The following RBBP4 variants were observed in gnomAD, a reference collection of about 807,000 sequenced individuals.
RBBP4 encodes RB binding protein 4, chromatin remodeling factor.
In RBBP4, 3 loss-of-function variants were observed where a neutral mutation model predicts 57.2. The observed-to-expected ratio is 0.05, with a 90% confidence interval of 0.02 to 0.14. The LOEUF (loss-of-function observed/expected upper bound fraction) is 0.14, where lower values mean the gene tolerates loss of function less well. RBBP4 is among the 10% of genes least tolerant of loss of function. The pLI, the probability that RBBP4 is intolerant of heterozygous loss-of-function variation, is 1.00. For missense variants in RBBP4, 107 were observed against 520.6 expected (o/e 0.21, Z 7.73); for synonymous variants, 151 against 171.5 (o/e 0.88, Z 0.93).
intron 8 of RBBP4, among the ~76,000 whole-genome samples, chr1:32,671,120 G>T (rs1272883755): frequency 6.6e-6 from 1 of 152,066 alleles, no homozygotes; most frequent in Admixed American, 6.6e-5. Flanking sequence ...TTTTTTGTCT[G>T]ACTCTTTAAT....
chr1:32,660,557 C>T (rs113320550), intron 3 of RBBP4, among the ~76,000 whole-genome samples: 10,899 of 150,884 alleles, frequency 0.072, 1,305 homozygotes, highest in African/African-American at 0.25. Flanking sequence ...GCTGGGATTA[C>T]AGGCGCCCAC....
At position 32,680,122 on chromosome 1, in the gene RBBP4, A is replaced by C; in HGVS notation, c.*417A>C. 1 of 1,067,892 alleles carries C rather than the reference A, an allele frequency of 9.4e-7. No homozygotes were observed. Among genetic ancestry groups the C allele is most frequent in the Non-Finnish European group, 1.1e-6 (1 of 884,248 alleles). 66.2% of individuals were successfully genotyped at this position (1,067,892 alleles called of 1,614,324 possible). A position where few individuals can be genotyped will look rare whatever the true frequency, so the allele number is the denominator to read the frequency against. Reference sequence around the variant, plus strand: ...GAAAGATGTCACTTTTATTCAGGAAATAGGGGGAGATTCAAGTCATATAGA... The same window carrying C: ...GAAAGATGTCACTTTTATTCAGGAACTAGGGGGAGATTCAAGTCATATAGA... On this transcript the variant is annotated 3_prime_UTR_variant, in exon 12 of 12. Transcript: ENST00000373493.
chr1:32,678,258 G>C (rs1346045004), intron 11 of RBBP4, among the ~76,000 whole-genome samples: 1 of 152,088 alleles, frequency 6.6e-6, no homozygotes, highest in Non-Finnish European at 1.5e-5. Context: ...TTTAGACGAA[G>C]TCTTGCCCCC....
rs780299831 is a variant in RBBP4, at chr1:32,681,535, C to G, written c.*1830C>G. ...ATACTCCCAGATGTGTCCATACATTCATCCTTCACTCAGTGCATATGTGAG... is the reference window on the plus strand; with the variant it reads ...ATACTCCCAGATGTGTCCATACATTGATCCTTCACTCAGTGCATATGTGAG... On this transcript the variant is annotated 3_prime_UTR_variant, in exon 12 of 12. Transcript: ENST00000373493. The G allele has an allele frequency of 2.3e-6, 1 of 432,880 alleles. No individual in the cohort carries two copies. Among genetic ancestry groups the G allele is most frequent in the Non-Finnish European group, 4.1e-6 (1 of 242,982 alleles). The allele number at this position is 432,880 out of a possible 1,614,324, so 26.8% of individuals were successfully genotyped here.
intron 11 of RBBP4, among the ~76,000 whole-genome samples, chr1:32,677,674 C>A (rs970799578): frequency 2.0e-5 from 3 of 147,098 alleles, no homozygotes; most frequent in Admixed American, 7.0e-5. Context: ...ACAGTCTTCT[C>A]CAAAGCTAAC....
chr1:32,667,646 A>T (rs893743471), intron 3 of RBBP4, among the ~76,000 whole-genome samples: 2 of 152,044 alleles, frequency 1.3e-5, no homozygotes, highest in African/African-American at 4.8e-5. Flanking sequence ...GTAGGGCTGG[A>T]CCCTACATCA....
In RBBP4 at chr1:32,681,791, G is replaced by A. The variant is rs1189143050; in HGVS notation, c.*2086G>A. 5.6e-6 allele frequency: 9 copies of A among 1,613,912 alleles called. No homozygotes were observed. Among genetic ancestry groups the A allele is most frequent in the African/African-American group, 2.7e-5 (2 of 75,068 alleles). On this transcript the variant is annotated 3_prime_UTR_variant, in exon 12 of 12. Transcript: ENST00000373493. ...GAAGAGTACATCCAAAGGGTACTTA[G>A]TGATCCTTTGCTAAGAAGTTTTTTG...
rs375953366 is a variant in RBBP4, at chr1:32,669,593, T to G, written c.966+30T>G. ...GAGAAACTAATGCTACTATTTTGTT[T>G]GTTTTAAGAAAAACCTGCTGGGCGC... On this transcript the variant is annotated intron_variant, in intron 8 of 11. Coordinates refer to ENST00000373493, the MANE Select transcript of RBBP4 (RefSeq NM_005610.3). This position sits in a 1 kb window ranked among gnomAD's most constrained non-coding sequence, Gnocchi z 4.9. 150 of 1,581,462 alleles carry G rather than the reference T, an allele frequency of 9.5e-5. No homozygotes were observed. In the African/African-American group the frequency reaches 1.9e-3, roughly 20 times the overall value.
At chr1:32,652,167 A>G in intron 2 of RBBP4, 106 bp downstream of exon 2, 1 of 1,331,066 alleles carries the variant, frequency 7.5e-7, no homozygotes, top group Non-Finnish European at 1.0e-6. Flanking sequence ...GCATGTGATC[A>G]AAACCTCTTG....
intron 3 of RBBP4, among the ~76,000 whole-genome samples, chr1:32,663,348 A>C (rs540887956): frequency 6.6e-6 from 1 of 152,340 alleles, no homozygotes; most frequent in East Asian, 1.9e-4. Flanking sequence ...AAAATAGGAA[A>C]GCAAGTTGAT....
At position 32,677,703 on chromosome 1, in the gene RBBP4, A is replaced by G. The variant is rs532777610; in HGVS notation, c.1213-1937A>G. ...AGCTAACTTCAGATAGTGTCAGAAT[A>G]GGATTGAGTTGTACACCCAGTTGGT... On this transcript the variant is annotated intron_variant, in intron 11 of 11. Transcript: ENST00000373493. Among the ~76,000 whole-genome samples the G allele has an allele frequency of 1.5e-3, 14 of 9,210 alleles. No homozygotes were observed. The South Asian group carries it at 0.22, about 144-fold the overall frequency. 6.0% of individuals were successfully genotyped at this position (9,210 alleles called of 152,430 possible).
chr1:32,652,468 A>G (rs1283307267), intron 2 of RBBP4: 1 of 172,336 alleles, frequency 5.8e-6, no homozygotes, highest in East Asian at 1.6e-4. Context: ...CCCTGGGAAT[A>G]CCCTCGTCTC....
rs1344908605 is a variant in RBBP4 at position 32,684,910 on chromosome 1, GCTC to G, written c.*5208_*5210del. On this transcript the variant is annotated 3_prime_UTR_variant, in exon 12 of 12. Transcript: ENST00000373493. ...TTAAGGAAAAGTTTTTGTGTCCAAA[GCTC>G]CTTAAAGTCAGAGAGATTTCTACCT... The G allele has an allele frequency of 6.5e-6, 1 of 153,236 alleles. No homozygotes were observed. The highest frequency in any genetic ancestry group is 1.5e-5 in the Non-Finnish European group (1 of 68,798). The allele number at this position is 153,236 out of a possible 1,614,324, so 9.5% of individuals were successfully genotyped here. A position where few individuals can be genotyped will look rare whatever the true frequency, so the allele number is the denominator to read the frequency against.
intron 11 of RBBP4, 140 bp downstream of exon 11, chr1:32,673,041 A>G (rs894779086): frequency 2.7e-5 from 19 of 715,892 alleles, no homozygotes; most frequent in East Asian, 2.2e-4. Flanking sequence ...TCTATACATT[A>G]TCATTTTCAG....
At chr1:32,678,330 G>A (rs752333305) in intron 11 of RBBP4, among the ~76,000 whole-genome samples, 7 of 151,302 alleles carry the variant, frequency 4.6e-5, no homozygotes, top group Non-Finnish European at 8.8e-5. Flanking sequence ...GGGTTCAAGC[G>A]ATTCTCCTGC....
intron 2 of RBBP4, 38 bp from the exon 3 acceptor site, chr1:32,657,389 T>G (rs1167451880): frequency 6.3e-7 from 1 of 1,587,828 alleles, no homozygotes; most frequent in Non-Finnish European, 8.6e-7. Flanking sequence ...TCTCCTGATG[T>G]TACTAATTTG....
In RBBP4 at chr1:32,681,647, A is replaced by G. The variant is rs539707019; in HGVS notation, c.*1942A>G. On this transcript the variant is annotated 3_prime_UTR_variant, in exon 12 of 12. Coordinates refer to ENST00000373493, the MANE Select transcript of RBBP4 (RefSeq NM_005610.3). ...AACAGCAGATGAAATAGAATCCAGC[A>G]AAGAGTTGACATGTTCTGCCTCCGG... The G allele has an allele frequency of 1.4e-6, 1 of 695,774 alleles. No homozygotes were observed. Among genetic ancestry groups the G allele is most frequent in the Admixed American group, 2.7e-5 (1 of 36,688 alleles). 43.1% of individuals were successfully genotyped at this position (695,774 alleles called of 1,614,324 possible). A position where few individuals can be genotyped will look rare whatever the true frequency, so the allele number is the denominator to read the frequency against.
intron 3 of RBBP4, 141 bp from the exon 4 acceptor site, chr1:32,668,084 T>C: frequency 1.4e-6 from 1 of 728,396 alleles, no homozygotes; most frequent in South Asian, 2.2e-5. Context: ...CACTTTATAG[T>C]GCTAGCAAAT....
In RBBP4 at chr1:32,682,035, G is replaced by A; in HGVS notation, c.*2330G>A. ...AATAGAATGAATGGTGATGGTGATG[G>A]GAGGGATAGTTAAACGTTTTCTCTG... On this transcript the variant is annotated 3_prime_UTR_variant, in exon 12 of 12. Transcript: ENST00000373493. 1.7e-6 allele frequency: 1 copy of A among 599,732 alleles called. No individual in the cohort carries two copies. The highest frequency in any genetic ancestry group is 3.0e-6 in the Non-Finnish European group (1 of 336,698). 37.2% of individuals were successfully genotyped at this position (599,732 alleles called of 1,614,324 possible). A position where few individuals can be genotyped will look rare whatever the true frequency, so the allele number is the denominator to read the frequency against.
Sources: allele counts gnomAD v4.1 joint callset (sites outside exome capture counted in the v4.1 genomes callset), GRCh38; gene constraint gnomAD v4.1.1; non-coding constraint Gnocchi (gnomAD v3.1); transcripts MANE v1.5; gene names NCBI Gene and HGNC (gene_info 2026-07-23, HGNC 2026-07-21).